The following TNFSF4 variants were observed in gnomAD, a reference collection of about 807,000 sequenced individuals.
TNFSF4 encodes the protein tumor necrosis factor ligand superfamily member 4.
TNFSF4 carries 4 observed loss-of-function variants against 7.3 expected under a neutral mutation model. That is an observed-to-expected ratio of 0.55 (90% CI 0.27 to 1.25). TNFSF4 has a LOEUF of 1.25. Among genes scored for constraint, TNFSF4 ranks in the 50% most tolerant of loss-of-function variants. TNFSF4 has a pLI of 0.12. For missense variants in TNFSF4, 181 were observed against 208.8 expected (o/e 0.87, Z 0.82); for synonymous variants, 76 against 83.7 (o/e 0.91, Z 0.50).
At chr1:173,441,910 A>C in the TNFSF4 span, 1 of 152,198 alleles carries the variant, frequency 6.6e-6, no homozygotes, top group Non-Finnish European at 1.5e-5. Flanking sequence ...AGGACTGGTG[A>C]GGTCTTACCA....
the TNFSF4 span, among the ~76,000 whole-genome samples, chr1:173,402,100 C>T: frequency 6.6e-6 from 1 of 152,096 alleles, no homozygotes; most frequent in Non-Finnish European, 1.5e-5. Flanking sequence ...TTTTTTTATG[C>T]TCAGAAACTT....
chr1:173,354,597 G>C, the TNFSF4 span, among the ~76,000 whole-genome samples: 1 of 152,090 alleles, frequency 6.6e-6, no homozygotes, highest in Non-Finnish European at 1.5e-5. Flanking sequence ...TTCCCAAAAG[G>C]CTGATAAATT....
chr1:173,316,422 C>T, the TNFSF4 span, among the ~76,000 whole-genome samples: 2 of 151,916 alleles, frequency 1.3e-5, no homozygotes, highest in Non-Finnish European at 2.9e-5. Context: ...TCAGAAGTTC[C>T]TCAATAACAC....
the TNFSF4 span, among the ~76,000 whole-genome samples, chr1:173,272,444 G>T: frequency 6.6e-6 from 1 of 151,788 alleles, no homozygotes; most frequent in African/African-American, 2.4e-5. Context: ...TTTTTTTTAA[G>T]ATTAGGAAAC....
At chr1:173,361,655 G>C in the TNFSF4 span, among the ~76,000 whole-genome samples, 2 of 151,716 alleles carry the variant, frequency 1.3e-5, no homozygotes, top group Admixed American at 6.6e-5. Context: ...CAAACAAATA[G>C]ATAACAAAAG....
downstream of TNFSF4, among the ~76,000 whole-genome samples, chr1:173,182,283 C>T (rs187699894): frequency 3.5e-3 from 534 of 152,124 alleles, no homozygotes; most frequent in Admixed American, 5.4e-3. Flanking sequence ...AAAGGGAAAA[C>T]GGAAAAATGT....
At chr1:173,297,332 A>T in the TNFSF4 span, among the ~76,000 whole-genome samples, 3 of 151,952 alleles carry the variant, frequency 2.0e-5, no homozygotes, top group Non-Finnish European at 4.4e-5. Context: ...AAAAAAGATC[A>T]CTGGTATGGC....
At chr1:173,443,882 A>T in the TNFSF4 span, among the ~76,000 whole-genome samples, 1 of 152,212 alleles carries the variant, frequency 6.6e-6, no homozygotes, top group Admixed American at 6.5e-5. Flanking sequence ...ACTGTGCTGC[A>T]GTCCTGCTAT....
the TNFSF4 span, among the ~76,000 whole-genome samples, chr1:173,226,046 A>T: frequency 4.6e-5 from 7 of 152,202 alleles, no homozygotes; most frequent in African/African-American, 1.7e-4. Flanking sequence ...TTGATATGTG[A>T]TCTCTTTTAA....
the TNFSF4 span, among the ~76,000 whole-genome samples, chr1:173,304,078 C>A: frequency 1.3e-5 from 2 of 151,828 alleles, no homozygotes; most frequent in South Asian, 4.1e-4. Context: ...ACAGTTATTT[C>A]TTTCTTTCTC....
At chr1:173,349,190 G>A in the TNFSF4 span, among the ~76,000 whole-genome samples, 31,282 of 151,910 alleles carry the variant, frequency 0.21, 3,500 homozygotes, top group Non-Finnish European at 0.26. Context: ...TGCCACGCCC[G>A]GCTAATTTTT....
At chr1:173,219,205 T>C in the TNFSF4 span, among the ~76,000 whole-genome samples, 1 of 152,230 alleles carries the variant, frequency 6.6e-6, no homozygotes, top group Non-Finnish European at 1.5e-5. Context: ...TTCAGAAGCC[T>C]GCTAGCTAAC....
the TNFSF4 span, among the ~76,000 whole-genome samples, chr1:173,369,668 C>G: frequency 6.6e-6 from 1 of 152,130 alleles, no homozygotes; most frequent in Non-Finnish European, 1.5e-5. Flanking sequence ...CTCATAAACC[C>G]TGAAAAAGAA....
chr1:173,256,505 A>G, the TNFSF4 span, among the ~76,000 whole-genome samples: 1 of 152,058 alleles, frequency 6.6e-6, no homozygotes, highest in East Asian at 1.9e-4. Context: ...AAAATACCCA[A>G]AGAGCCATCA....
chr1:173,298,349 C>T, the TNFSF4 span, among the ~76,000 whole-genome samples: 1 of 151,882 alleles, frequency 6.6e-6, no homozygotes, highest in Non-Finnish European at 1.5e-5. Context: ...GAGACATGCT[C>T]TAAGATGCAT....
the TNFSF4 span, among the ~76,000 whole-genome samples, chr1:173,401,145 A>G: frequency 6.6e-6 from 1 of 152,208 alleles, no homozygotes; most frequent in South Asian, 2.1e-4. Flanking sequence ...TGTTTAAGTT[A>G]TAAGATTTCA....
the TNFSF4 span, among the ~76,000 whole-genome samples, chr1:173,338,993 C>T: frequency 6.6e-6 from 1 of 151,980 alleles, no homozygotes; most frequent in African/African-American, 2.4e-5. Flanking sequence ...ATTACTATGC[C>T]CTGTGATTAA....
At chr1:173,230,041 A>G in the TNFSF4 span, among the ~76,000 whole-genome samples, 1 of 152,198 alleles carries the variant, frequency 6.6e-6, no homozygotes, top group African/African-American at 2.4e-5. Context: ...GAAAGTTGAC[A>G]AGGATATCCA....
At chr1:173,435,527 C>T in the TNFSF4 span, among the ~76,000 whole-genome samples, 1 of 152,190 alleles carries the variant, frequency 6.6e-6, no homozygotes, top group Admixed American at 6.5e-5. Context: ...ATCTACAAGG[C>T]AGGAAGGAGC....
Sources: allele counts gnomAD v4.1 joint callset (sites outside exome capture counted in the v4.1 genomes callset), GRCh38; gene constraint gnomAD v4.1.1; transcripts MANE v1.5; gene names NCBI Gene and HGNC (gene_info 2026-07-23, HGNC 2026-07-21).